Variants in FRMD4A observed in about 807,000 individuals in gnomAD.
FRMD4A encodes the protein FERM domain-containing protein 4A.
A neutral mutation model predicts 129.1 loss-of-function variants in FRMD4A; 29 were observed. The ratio of observed to expected loss-of-function variants is 0.22; its 90% CI spans 0.17 to 0.31. FRMD4A has a LOEUF of 0.31. FRMD4A is among the 10% of genes least tolerant of loss of function. The pLI, the probability that FRMD4A is intolerant of heterozygous loss-of-function variation, is 1.00. For missense variants in FRMD4A, 1,272 were observed against 1,375.8 expected (o/e 0.92, Z 1.19); for synonymous variants, 634 against 571.6 (o/e 1.11, Z -1.56).
chr10:14,301,989 TTTTC>T (rs1402128183), intron 2 of FRMD4A, among the ~76,000 whole-genome samples: 1 of 152,144 alleles, frequency 6.6e-6, no homozygotes, highest in African/African-American at 2.4e-5. Context: ...CCCAGGGAGT[TTTTC>T]AGACAAATCT....
intron 2 of FRMD4A, among the ~76,000 whole-genome samples, chr10:14,176,910 C>T (rs998372602): frequency 1.4e-4 from 21 of 152,212 alleles, no homozygotes; most frequent in African/African-American, 2.2e-4. Flanking sequence ...TCATCCTCCC[C>T]GGTTATTGGC....
At chr10:14,172,721 G>C (rs1841539979) in intron 2 of FRMD4A, among the ~76,000 whole-genome samples, 1 of 152,214 alleles carries the variant, frequency 6.6e-6, no homozygotes, top group African/African-American at 2.4e-5. Flanking sequence ...TGCTGTGGTA[G>C]GGGATCATGA....
At position 14,067,527 on chromosome 10, in the gene FRMD4A, A is replaced by T. The variant is rs192270184; in HGVS notation, c.46-208615T>A. Among the ~76,000 whole-genome samples, 39 of 152,016 alleles carry T rather than the reference A, an allele frequency of 2.6e-4. 1 individual carries two copies. Among genetic ancestry groups the T allele is most frequent in the Admixed American group, 1.2e-3 (19 of 15,276 alleles). On this transcript the variant is annotated intron_variant, in intron 2 of 24. Coordinates refer to ENST00000357447, the MANE Select transcript of FRMD4A (RefSeq NM_018027.5). ...CCTTGCCCACTGCCTTATTAATAACACTGTCATGAGGCCGGGCGCAGTGGC... is the reference window on the plus strand; with the variant it reads ...CCTTGCCCACTGCCTTATTAATAACTCTGTCATGAGGCCGGGCGCAGTGGC...
chr10:13,799,981 C>G (rs1232820459), intron 4 of FRMD4A, among the ~76,000 whole-genome samples: 5 of 151,714 alleles, frequency 3.3e-5, no homozygotes, highest in Non-Finnish European at 5.9e-5. Flanking sequence ...AGTTCGAGAC[C>G]AGCCTGACCA....
chr10:14,243,982 T>C (rs527583693), intron 2 of FRMD4A, among the ~76,000 whole-genome samples: 105 of 152,318 alleles, frequency 6.9e-4, no homozygotes, highest in African/African-American at 2.3e-3. Context: ...CCTTCTTCTT[T>C]ATCAATGAAT....
chr10:14,239,791 G>C (rs1843975267), intron 2 of FRMD4A, among the ~76,000 whole-genome samples: 1 of 152,222 alleles, frequency 6.6e-6, no homozygotes, highest in South Asian at 2.1e-4. Flanking sequence ...AGGAGAAAGA[G>C]AGAAAAGAAA....
Position 13,644,485 on chromosome 10 carries a change from G to T in FRMD4A, c.*2553C>A, listed in dbSNP as rs1372402366. 1 of 152,188 alleles carries T rather than the reference G, an allele frequency of 6.6e-6. No homozygotes were observed. Among genetic ancestry groups the T allele is most frequent in the African/African-American group, 2.4e-5 (1 of 41,442 alleles). 9.4% of individuals were successfully genotyped at this position (152,188 alleles called of 1,614,324 possible). ...TCTGTCTTGACTACCAGACTATCAT[G>T]ATGTTTGTTGGAACTGTAATTCCTG... On this transcript the variant is annotated 3_prime_UTR_variant, in exon 25 of 25. Transcript: ENST00000357447.
In FRMD4A at chr10:13,733,605, T is replaced by G. The variant is rs573330998; in HGVS notation, c.759+4239A>C. 2.6e-3 allele frequency among the ~76,000 whole-genome samples: 400 copies of G among 152,320 alleles called. 1 individual carries two copies. Among genetic ancestry groups the G allele is most frequent in the Non-Finnish European group, 4.2e-3 (283 of 68,022 alleles). ...CAGCAGGCCTGGCTAATTTTGTATT[T>G]TTAGTAGAGATGGGGTTTCACCATG... On this transcript the variant is annotated intron_variant, in intron 12 of 24. Transcript: ENST00000357447.
At chr10:13,788,082 G>T (rs2092911881) in intron 5 of FRMD4A, among the ~76,000 whole-genome samples, 1 of 152,156 alleles carries the variant, frequency 6.6e-6, no homozygotes, top group African/African-American at 2.4e-5. Flanking sequence ...TCCGAGTCTG[G>T]CTGTGTATTG....
intron 2 of FRMD4A, among the ~76,000 whole-genome samples, chr10:13,920,609 A>C (rs1360019026): frequency 6.6e-6 from 1 of 152,256 alleles, no homozygotes; most frequent in Non-Finnish European, 1.5e-5. Flanking sequence ...ATAGGTGAAT[A>C]GTGGAAAACC....
At chr10:13,682,790 G>C (rs1472750934) in intron 15 of FRMD4A, among the ~76,000 whole-genome samples, 1 of 151,958 alleles carries the variant, frequency 6.6e-6, no homozygotes, top group Non-Finnish European at 1.5e-5. Flanking sequence ...TTACAGGCGT[G>C]AGCCACTGCG....
At chr10:13,785,220 T>C (rs1376727243) in intron 5 of FRMD4A, among the ~76,000 whole-genome samples, 1 of 152,218 alleles carries the variant, frequency 6.6e-6, no homozygotes, top group Non-Finnish European at 1.5e-5. Context: ...TTGAAATTGG[T>C]GAGTGAATTT....
intron 12 of FRMD4A, among the ~76,000 whole-genome samples, chr10:13,719,403 C>A (rs1048044932): frequency 1.3e-5 from 2 of 151,962 alleles, no homozygotes; most frequent in African/African-American, 2.4e-5. Flanking sequence ...CAGATCTTTA[C>A]AAATCATGTT....
intron 3 of FRMD4A, among the ~76,000 whole-genome samples, chr10:13,819,455 C>T (rs1370501323): frequency 6.6e-6 from 1 of 152,176 alleles, no homozygotes; most frequent in Non-Finnish European, 1.5e-5. Context: ...TCTCCCTCCT[C>T]TGGATTTCTA....
At chr10:13,974,547 G>A (rs2095534179) in intron 2 of FRMD4A, among the ~76,000 whole-genome samples, 1 of 152,050 alleles carries the variant, frequency 6.6e-6, no homozygotes, top group Non-Finnish European at 1.5e-5. Flanking sequence ...GATTGATGGA[G>A]GCGGAGTCTC....
chr10:14,217,789 G>A (rs980119679), intron 2 of FRMD4A, among the ~76,000 whole-genome samples: 9 of 151,862 alleles, frequency 5.9e-5, no homozygotes, highest in Non-Finnish European at 8.8e-5. Context: ...AGGCTGGCAG[G>A]GTCTCCACCA....
intron 3 of FRMD4A, among the ~76,000 whole-genome samples, chr10:13,822,317 C>T (rs570423903): frequency 6.6e-6 from 1 of 152,286 alleles, no homozygotes; most frequent in African/African-American, 2.4e-5. Context: ...CAAAGCTTTG[C>T]TTGCTTTTAA....
chr10:13,906,171 A>G (rs553510431), intron 2 of FRMD4A, among the ~76,000 whole-genome samples: 78 of 152,234 alleles, frequency 5.1e-4, no homozygotes, highest in South Asian at 8.3e-4. Flanking sequence ...CCTCATGGCA[A>G]TCACAGTCAC....
intron 2 of FRMD4A, among the ~76,000 whole-genome samples, chr10:14,009,791 A>T (rs1308849708): frequency 8.5e-6 from 1 of 117,184 alleles, no homozygotes; most frequent in African/African-American, 2.7e-5. Flanking sequence ...GCAGTAGGAG[A>T]GTCAGTGAGA....
Sources: gnomAD v4.1 joint callset for allele counts (sites outside exome capture counted in the v4.1 genomes callset) on GRCh38, gnomAD v4.1.1 for gene constraint, MANE v1.5 for transcripts, NCBI Gene and HGNC (gene_info 2026-07-23, HGNC 2026-07-21) for gene names.